Variants in NCOA1 observed in about 807,000 individuals in gnomAD.
NCOA1 encodes the protein nuclear receptor coactivator 1.
NCOA1 carries 35 observed loss-of-function variants against 150.9 expected under a neutral mutation model. That is an observed-to-expected ratio of 0.23 (90% confidence interval 0.18 to 0.31). The LOEUF (loss-of-function observed/expected upper bound fraction) is 0.31, where lower values mean the gene tolerates loss of function less well. Among genes scored for constraint, NCOA1 ranks in the 10% least tolerant of loss-of-function variants. NCOA1 has a pLI of 1.00. For synonymous variants in NCOA1, 590 were observed against 630.0 expected (o/e 0.94, Z 0.95); for missense variants, 1,491 against 1,749.3 (o/e 0.85, Z 2.63).
intron 1 of NCOA1, among the ~76,000 whole-genome samples, chr2:24,516,951 TACAA>T (rs199647064): frequency 0.048 from 6,103 of 127,358 alleles, 377 homozygotes; most frequent in East Asian, 0.2. Context: ...TACGTATATA[TACAA>T]GTATATATAC....
chr2:24,538,840 G>A (rs1428101556), intron 1 of NCOA1, among the ~76,000 whole-genome samples: 1 of 152,092 alleles, frequency 6.6e-6, no homozygotes, highest in Non-Finnish European at 1.5e-5. Flanking sequence ...GGAGATTACA[G>A]TCTAGTAGGG....
chr2:24,660,155 G>A (rs903900954), intron 5 of NCOA1, among the ~76,000 whole-genome samples: 7 of 152,132 alleles, frequency 4.6e-5, no homozygotes, highest in Non-Finnish European at 1.0e-4. Flanking sequence ...AGATCAAGAT[G>A]CAATCTAGAA....
intron 4 of NCOA1, among the ~76,000 whole-genome samples, chr2:24,653,006 A>G (rs1558875421): frequency 6.6e-6 from 1 of 152,262 alleles, no homozygotes; most frequent in Middle Eastern, 3.4e-3. Flanking sequence ...ACTATCAGCA[A>G]ATTATGGGTG....
chr2:24,572,774 T>G (rs1483908287), intron 2 of NCOA1, among the ~76,000 whole-genome samples: 3 of 152,212 alleles, frequency 2.0e-5, no homozygotes, highest in Non-Finnish European at 4.4e-5. Context: ...AACTGAAGAC[T>G]GTGGCCACAC....
At chr2:24,678,862 T>C (rs1672036449) in intron 7 of NCOA1, among the ~76,000 whole-genome samples, 1 of 152,252 alleles carries the variant, frequency 6.6e-6, no homozygotes, top group South Asian at 2.1e-4. Context: ...TTTCTTTTGC[T>C]GTGCAGAAGC....
At chr2:24,671,740 T>C (rs1396107340) in intron 6 of NCOA1, among the ~76,000 whole-genome samples, 3 of 152,112 alleles carry the variant, frequency 2.0e-5, no homozygotes, top group Admixed American at 1.3e-4. Flanking sequence ...TTTGTATTTT[T>C]ATTAGAGATA....
chr2:24,707,499 C>T lies in NCOA1; in HGVS notation c.2029C>T (p.Pro677Ser). ...TGCTAACTCTTCAGGAGGTTCTTGT[C>T]CCTCTTCTCATAGCTCATTGACAGA... ...ASANSSGGSC[P>S]SSHSSLTERH... Residue 677 changes from proline to serine, a missense_variant, in exon 13 of 23, where the codon CCC becomes TCC. Physicochemically the swap from Pro to Ser is moderately conservative, Grantham distance 74. Around this residue, in one of 8 missense-constraint regions of NCOA1, gnomAD observed 703 missense variants for 717.7 expected, o/e 0.98. Transcript: ENST00000348332. The T allele has an allele frequency of 6.2e-7, 1 of 1,614,162 alleles. No individual in the cohort carries two copies. The highest frequency in any genetic ancestry group is 8.5e-7 in the Non-Finnish European group (1 of 1,180,028).
Position 24,665,897 on chromosome 2 carries a change from A to T in NCOA1, c.238A>T (p.Met80Leu). 6.4e-7 allele frequency: 1 copy of T among 1,558,536 alleles called. No homozygotes were observed. The highest frequency in any genetic ancestry group is 8.7e-7 in the Non-Finnish European group (1 of 1,151,332). ...GAAAACAGTCGATCAGATACAGCTA[A>T]TGAAGAGAATGGAACAAGGTAAAAA... ...LKKTVDQIQL[M>L]KRMEQEKSTT... Residue 80 changes from methionine to leucine, a missense_variant, in exon 6 of 23, where the codon ATG becomes TTG. Met to Leu is a conservative substitution (Grantham distance 15). Coordinates refer to ENST00000348332, the MANE Select transcript of NCOA1 (RefSeq NM_003743.5).
At chr2:24,586,255 G>C (rs1242103233) in intron 3 of NCOA1, among the ~76,000 whole-genome samples, 1 of 132,214 alleles carries the variant, frequency 7.6e-6, no homozygotes, top group Admixed American at 8.1e-5. Flanking sequence ...CAGCCTGGGC[G>C]ACAGAGCAAG....
chr2:24,675,908 G>A (rs1356047060), intron 7 of NCOA1, among the ~76,000 whole-genome samples: 1 of 151,962 alleles, frequency 6.6e-6, no homozygotes, highest in African/African-American at 2.4e-5. Flanking sequence ...TAATAAATAA[G>A]TAAAAAATAA....
intron 22 of NCOA1, among the ~76,000 whole-genome samples, chr2:24,763,586 G>C (rs1413895590): frequency 2.2e-5 from 3 of 138,596 alleles, no homozygotes; most frequent in African/African-American, 8.0e-5. Flanking sequence ...ATTCACTTTC[G>C]TAACTTTGGT....
At chr2:24,734,804 T>A (rs1192714242) in intron 17 of NCOA1, among the ~76,000 whole-genome samples, 6 of 149,140 alleles carry the variant, frequency 4.0e-5, no homozygotes, top group Non-Finnish European at 8.9e-5. Context: ...ACCTTGTCTC[T>A]AAAAAAAAAA....
chr2:24,751,947 T>A, intron 19 of NCOA1, 35 bp from the exon 20 acceptor site: 1 of 1,564,810 alleles, frequency 6.4e-7, no homozygotes, highest in Non-Finnish European at 8.7e-7. Context: ...AAATTTATAG[T>A]GTATCAACAT....
rs569542071 is a variant in NCOA1 at position 24,610,227 on chromosome 2, G to A, written c.-175+25667G>A. On this transcript the variant is annotated intron_variant, in intron 3 of 22. Coordinates refer to ENST00000348332, the MANE Select transcript of NCOA1 (RefSeq NM_003743.5). ...GCAACCTCCATCTTCCGGTTCAAGC[G>A]ATTCTCCTGCCTCAGCCTCCCGAAT... Among the ~76,000 whole-genome samples, 31 of 149,508 alleles carry A rather than the reference G, an allele frequency of 2.1e-4. No homozygotes were observed. In the East Asian group the frequency reaches 2.2e-3, roughly 10 times the overall value.
In NCOA1 at chr2:24,639,914, G is replaced by GTA. The variant is rs1670111380; in HGVS notation, c.-174-4051_-174-4050insAT. Among the ~76,000 whole-genome samples the GTA allele has an allele frequency of 3.6e-4, 7 of 19,578 alleles. 1 individual carries two copies. The South Asian group carries it at 0.011, about 30-fold the overall frequency. 12.8% of individuals were successfully genotyped at this position (19,578 alleles called of 152,430 possible). On this transcript the variant is annotated intron_variant, in intron 3 of 22. Transcript: ENST00000348332. ...AAAAAAAAAAAAAAAGTATGTGTGT[G>GTA]TGTATATATATATATATATATATAT...
At chr2:24,756,839 C>G (rs1277824507) in intron 20 of NCOA1, among the ~76,000 whole-genome samples, 1 of 152,130 alleles carries the variant, frequency 6.6e-6, no homozygotes, top group East Asian at 1.9e-4. Flanking sequence ...CTAATAGAGA[C>G]TGATTTTACA....
In NCOA1 at chr2:24,504,228, T is replaced by C. The variant is rs142154807; in HGVS notation, c.-396+12626T>C. On this transcript the variant is annotated intron_variant, in intron 1 of 22. Transcript: ENST00000348332. Reference sequence around the variant, plus strand: ...GTGGATTTGAATTCAATTTGTGGGCTTTGGAATGTTGCTTATGGCATAGTC... The same window carrying C: ...GTGGATTTGAATTCAATTTGTGGGCCTTGGAATGTTGCTTATGGCATAGTC... Among the ~76,000 whole-genome samples the C allele has an allele frequency of 6.2e-3, 944 of 152,350 alleles. 13 individuals are homozygous for C. Among genetic ancestry groups the C allele is most frequent in the African/African-American group, 0.021 (865 of 41,574 alleles).
At chr2:24,510,297 T>A (rs888025644) in intron 1 of NCOA1, among the ~76,000 whole-genome samples, 1 of 152,232 alleles carries the variant, frequency 6.6e-6, no homozygotes, top group Non-Finnish European at 1.5e-5. Context: ...GTGATCCGCC[T>A]TGGCCTCCCA....
chr2:24,668,835 AACTG>A (rs1671557307), intron 6 of NCOA1, among the ~76,000 whole-genome samples: 1 of 152,076 alleles, frequency 6.6e-6, no homozygotes, highest in African/African-American at 2.4e-5. Context: ...AGTATCTGCT[AACTG>A]ACTGAATCGA....
Sources: gnomAD v4.1 joint callset for allele counts (sites outside exome capture counted in the v4.1 genomes callset) on GRCh38, gnomAD v4.1.1 for gene constraint, gnomAD v4.1.1 regional missense constraint, MANE v1.5 for transcripts, NCBI Gene and HGNC (gene_info 2026-07-23, HGNC 2026-07-21) for gene names.